WDR91: variants seen among roughly 807,000 people sequenced by gnomAD.
WDR91 encodes WD repeat-containing protein 91.
A neutral mutation model predicts 88.4 loss-of-function variants in WDR91; 52 were observed. The ratio of observed to expected loss-of-function variants is 0.59; its 90% confidence interval spans 0.47 to 0.74. WDR91 has a LOEUF of 0.74. Among genes scored for constraint, WDR91 ranks in the 30% least tolerant of loss-of-function variants. WDR91 has a pLI of 0.00. For missense variants in WDR91, 824 were observed against 954.5 expected (o/e 0.86, Z 1.80); for synonymous variants, 362 against 389.5 (o/e 0.93, Z 0.83).
chr7:135,211,303 A>G, intron 1 of WDR91, 77 bp downstream of exon 1: 1 of 1,521,420 alleles, frequency 6.6e-7, no homozygotes, highest in Non-Finnish European at 8.8e-7. Context: ...CTCGCCCCGG[A>G]GGCAGTGCTG....
chr7:135,199,138 T>A (rs1831479507), intron 6 of WDR91: 1 of 152,236 alleles, frequency 6.6e-6, no homozygotes, highest in African/African-American at 2.4e-5. Context: ...TTCTTCTACT[T>A]GTTATTTTTT....
At position 135,193,408 on chromosome 7, in the gene WDR91, C is replaced by G. The variant is rs773148720; in HGVS notation, c.1491-9G>C. 3.1e-6 allele frequency: 5 copies of G among 1,613,794 alleles called. No individual in the cohort carries two copies. The East Asian group carries it at 1.1e-4, about 36-fold the overall frequency. On this transcript the variant is annotated splice_polypyrimidine_tract_variant and intron_variant, in intron 10 of 14. Transcript: ENST00000354475. ...ACGCAAGAGACAGGATTCTGCAACA[C>G]ACATGGGCCTGGGTCAGACCCTCTG...
intron 13 of WDR91, 83 bp downstream of exon 13, chr7:135,188,350 G>T: frequency 8.9e-7 from 1 of 1,118,882 alleles, no homozygotes; most frequent in Non-Finnish European, 1.4e-6. Flanking sequence ...AGGTTGCAGA[G>T]CTAGTAACAG....
At chr7:135,194,705 G>A (rs577923357) in intron 9 of WDR91, among the ~76,000 whole-genome samples, 6 of 152,306 alleles carry the variant, frequency 3.9e-5, no homozygotes, top group South Asian at 2.1e-4. Flanking sequence ...GGAAGAAGCC[G>A]TGTGTTCCAG....
At chr7:135,211,141 G>T (rs1832002086) in intron 1 of WDR91, among the ~76,000 whole-genome samples, 1 of 152,192 alleles carries the variant, frequency 6.6e-6, no homozygotes, top group African/African-American at 2.4e-5. Flanking sequence ...CCAGGAGCCG[G>T]GGCATCGGGG....
Position 135,200,438 on chromosome 7 carries a change from C to A in WDR91, c.892-2287G>T, listed in dbSNP as rs187065432. ...GAACTGTGTACTCTCTAGACAATGA[C>A]ACTTGCACACAGAGAAGCTTGCACC... is the stretch of plus-strand genomic sequence containing the variant. On this transcript the variant is annotated intron_variant, in intron 6 of 14. Transcript: ENST00000354475. 16 of 152,296 alleles carry A rather than the reference C, an allele frequency of 1.1e-4. No individual in the cohort carries two copies. In the East Asian group the frequency reaches 2.9e-3, roughly 28 times the overall value. The allele number at this position is 152,296 out of a possible 1,614,324, so 9.4% of individuals were successfully genotyped here. A position where few individuals can be genotyped will look rare whatever the true frequency, so the allele number is the denominator to read the frequency against.
At chr7:135,207,355 G>T in intron 3 of WDR91, 153 bp from the exon 4 acceptor site, 1 of 656,234 alleles carries the variant, frequency 1.5e-6, no homozygotes, top group Non-Finnish European at 2.8e-6. Context: ...TGAAATAGTC[G>T]CTCCCTACAG....
rs1032670392 is a variant in WDR91, at chr7:135,195,226, T to G, written c.1245-142A>C. The stretch of plus-strand genomic sequence containing the variant: ...GAGGTCTACATTCAAAGGACTGGTA[T>G]AGACTATTTCTAGAAATATTCATTC... On this transcript the variant is annotated intron_variant, in intron 8 of 14. Coordinates refer to ENST00000354475, the MANE Select transcript of WDR91 (RefSeq NM_014149.4). The G allele has an allele frequency of 3.6e-6, 3 of 835,462 alleles. No individual in the cohort carries two copies. In the African/African-American group the frequency reaches 5.2e-5, roughly 14 times the overall value. The allele number at this position is 835,462 out of a possible 1,614,324, so 51.8% of individuals were successfully genotyped here. A position where few individuals can be genotyped will look rare whatever the true frequency, so the allele number is the denominator to read the frequency against.
chr7:135,187,044 G>A lies in WDR91; in HGVS notation c.2007C>T (p.Gly669=). ...SGYKQVQVPR[G]RLFAFDSEGN... The stretch of plus-strand genomic sequence containing the variant: ...CCTCCGAGTCAAAAGCGAAGAGTCG[G>A]CCCCTGGGGACTTGAACCTGCTTGT... Residue 669 remains glycine (G), a synonymous_variant, in exon 14 of 15, where the codon GGC becomes GGT. Transcript: ENST00000354475. The A allele has an allele frequency of 1.9e-6, 3 of 1,614,250 alleles. No homozygotes were observed. Among genetic ancestry groups the A allele is most frequent in the Non-Finnish European group, 2.5e-6 (3 of 1,180,050 alleles).
rs528990803 is a variant in WDR91, at chr7:135,189,277, C to T, written c.1768+67G>A. ...TAGCCCAGCTGGCAAAAAAATCCAA[C>T]GTCGGCAAAAAAAATTGCCTGGGAA... On this transcript the variant is annotated intron_variant, in intron 12 of 14. Transcript: ENST00000354475. The T allele has an allele frequency of 2.2e-5, 33 of 1,484,506 alleles. No individual in the cohort carries two copies. The African/African-American group carries it at 3.1e-4, about 14-fold the overall frequency. The allele number at this position is 1,484,506 out of a possible 1,614,324, so 92.0% of individuals were successfully genotyped here.
intron 10 of WDR91, 71 bp from the exon 11 acceptor site, chr7:135,193,470 G>C: frequency 6.2e-7 from 1 of 1,610,222 alleles, no homozygotes; most frequent in Non-Finnish European, 8.5e-7. Context: ...TGGTCCTGAG[G>C]CTGGATCCTG....
rs148037092 is a variant in WDR91, at chr7:135,193,799, G to A, written c.1396-127C>T. The A allele has an allele frequency of 1.1e-3, 796 of 708,494 alleles. 3 individuals are homozygous for A. The African/African-American group carries it at 0.012, about 11-fold the overall frequency. 43.9% of individuals were successfully genotyped at this position (708,494 alleles called of 1,614,324 possible). A position where few individuals can be genotyped will look rare whatever the true frequency, so the allele number is the denominator to read the frequency against. The stretch of plus-strand genomic sequence containing the variant: ...GGCCCCTCCTCTACGCATCCAGGCA[G>A]TTCAGGGGAAATCTGGCTACAATGA... On this transcript the variant is annotated intron_variant, in intron 9 of 14. Transcript: ENST00000354475.
chr7:135,195,029 C>T lies in WDR91; in HGVS notation c.1300G>A (p.Val434Met), dbSNP rs200279279. The stretch of plus-strand genomic sequence containing the variant: ...TGCATGATGGGGTTGAAGGACCACA[C>T]TTTGATGACCCCATCTACGTCTAAG... ...ASLDVDGVIK[V>M]WSFNPIMQTK... Residue 434 changes from valine to methionine, a missense_variant, in exon 9 of 15, where the codon GTG becomes ATG. Physicochemically the swap from Val to Met is conservative, Grantham distance 21. Transcript: ENST00000354475. 3.1e-6 allele frequency: 5 copies of T among 1,614,152 alleles called. No individual in the cohort carries two copies. The East Asian group carries it at 1.1e-4, about 36-fold the overall frequency.
intron 11 of WDR91, among the ~76,000 whole-genome samples, chr7:135,191,548 T>TGAGCAGAGATTGTGCC (rs1205298537): frequency 7.5e-6 from 1 of 133,720 alleles, no homozygotes; most frequent in Non-Finnish European, 1.5e-5. Flanking sequence ...GATGTTGTGC[T>TGAGCAGAGATTGTGCC]GAGCAGAGAT....
At chr7:135,190,885 G>C (rs1831138862) in intron 11 of WDR91, among the ~76,000 whole-genome samples, 1 of 152,162 alleles carries the variant, frequency 6.6e-6, no homozygotes, top group Admixed American at 6.5e-5. Flanking sequence ...GTTCCAGAAG[G>C]CAAGAGATGA....
rs1831038731 is a variant in WDR91 at position 135,188,492 on chromosome 7, A to T, written c.1822T>A (p.Tyr608Asn). The T allele has an allele frequency of 6.2e-7, 1 of 1,614,116 alleles. No individual in the cohort carries two copies. Among genetic ancestry groups the T allele is most frequent in the Non-Finnish European group, 8.5e-7 (1 of 1,180,022 alleles). The stretch of plus-strand genomic sequence containing the variant: ...TCATCATAGCTGAACTCCACAGAGT[A>T]GACCTCCCCGTAGTGGGCCCTCCAG... ...MSWRAHYGEV[Y>N]SVEFSYDENT... The change falls in exon 13 of 15, where the codon TAC becomes AAC. Residue 608 changes from tyrosine to asparagine, a missense_variant. Tyr to Asn is a moderately radical substitution (Grantham distance 143). Transcript: ENST00000354475.
At chr7:135,208,540 C>T (rs1305897878) in intron 3 of WDR91, among the ~76,000 whole-genome samples, 1 of 152,202 alleles carries the variant, frequency 6.6e-6, no homozygotes, top group Non-Finnish European at 1.5e-5. Flanking sequence ...TACTAGCACC[C>T]CACTGCTGCC....
intron 6 of WDR91, chr7:135,198,922 T>G (rs1831472195): frequency 6.6e-6 from 1 of 152,216 alleles, no homozygotes; most frequent in South Asian, 2.1e-4. Context: ...CTTTCCAGAT[T>G]GCTGGGCAGG....
Position 135,194,994 on chromosome 7 carries a change from T to C in WDR91, c.1335A>G (p.Ala445=), listed in dbSNP as rs35285736. 5.5e-5 allele frequency: 89 copies of C among 1,614,160 alleles called. No individual in the cohort carries two copies. The African/African-American group carries it at 9.7e-4, about 18-fold the overall frequency. The change falls in exon 9 of 15, where the codon GCA becomes GCG. Residue 445 remains alanine (A), a synonymous_variant. Coordinates refer to ENST00000354475, the MANE Select transcript of WDR91 (RefSeq NM_014149.4). ...WSFNPIMQTK[A]SSISKSPLLS... ...GCAGCGGTGATTTGGAAATGGAGGA[T>C]GCTTTGGTCTGCATGATGGGGTTGA...
Sources: gnomAD v4.1 joint callset for allele counts (sites outside exome capture counted in the v4.1 genomes callset) on GRCh38, gnomAD v4.1.1 for gene constraint, MANE v1.5 for transcripts, NCBI Gene and HGNC (gene_info 2026-07-23, HGNC 2026-07-21) for gene names.